Variants in BORA observed in about 807,000 individuals in gnomAD.
BORA encodes the protein protein aurora borealis.
Under a neutral mutation model 55.8 loss-of-function variants are expected in BORA, and 26 were observed. That is an observed-to-expected ratio of 0.47 (90% CI 0.34 to 0.65). The LOEUF (loss-of-function observed/expected upper bound fraction) is 0.65, where lower values mean the gene tolerates loss of function less well. Among genes scored for constraint, BORA ranks in the 30% least tolerant of loss-of-function variants. The pLI is 0.01. For synonymous variants in BORA, 201 were observed against 216.9 expected (o/e 0.93, Z 0.64); for missense variants, 568 against 671.5 (o/e 0.85, Z 1.70).
Position 72,755,849 on chromosome 13 carries a change from G to A in BORA, c.*633G>A, listed in dbSNP as rs2033450369. ...TCATCACGTGTATTGTTATCTATGG[G>A]GCAAATGTGTGGTGCCCAGAATAAA... On this transcript the variant is annotated 3_prime_UTR_variant, in exon 12 of 12. Transcript: ENST00000390667. 1 of 398,534 alleles carries A rather than the reference G, an allele frequency of 2.5e-6. No individual in the cohort carries two copies. Among genetic ancestry groups the A allele is most frequent in the Admixed American group, 4.4e-5 (1 of 22,718 alleles). 24.7% of individuals were successfully genotyped at this position (398,534 alleles called of 1,614,324 possible).
chr13:72,745,145 A>G lies in BORA; in HGVS notation c.676A>G (p.Met226Val). The change falls in exon 8 of 12, where the codon ATG (methionine) becomes GTG (valine). Residue 226 changes from methionine (M) to valine (V), a missense_variant. Transcript: ENST00000390667. ...CAGTGGTGTTCAAACATCACTAGAGATGTTTTATTCAATAGATTTGTCTCC... is the reference window on the plus strand; with the variant it reads ...CAGTGGTGTTCAAACATCACTAGAGGTGTTTTATTCAATAGATTTGTCTCC... ...PHSGVQTSLE[M>V]FYSIDLSPVK... 2 of 1,614,092 alleles carry G rather than the reference A, an allele frequency of 1.2e-6. No individual in the cohort carries two copies. The highest frequency in any genetic ancestry group is 1.7e-6 in the Non-Finnish European group (2 of 1,179,962).
intron 9 of BORA, 94 bp downstream of exon 9, chr13:72,746,170 C>A: frequency 8.7e-7 from 1 of 1,149,746 alleles, no homozygotes; most frequent in Non-Finnish European, 1.2e-6. Flanking sequence ...TGATAGAGCT[C>A]AAAATGATCA....
intron 3 of BORA, among the ~76,000 whole-genome samples, chr13:72,734,263 A>G (rs1445205247): frequency 6.6e-6 from 1 of 152,202 alleles, no homozygotes; most frequent in East Asian, 1.9e-4. Context: ...TTACCAATTT[A>G]CTGATGGAAG....
Position 72,746,780 on chromosome 13 carries a change from AC to A in BORA, c.1153del (p.Leu385TyrfsTer17). 1.2e-6 allele frequency: 2 copies of A among 1,614,136 alleles called. No individual in the cohort carries two copies. The highest frequency in any genetic ancestry group is 1.7e-6 in the Non-Finnish European group (2 of 1,179,990). The part of the protein sequence containing the change: ...SSPAMDAAGI[H>X]LRQFSNEAST... ...CCCGCCATGGATGCTGCTGGAATACACCTACGGCAGTTTAGTAATGAGGCTT... is the reference window on the plus strand; with the variant it reads ...CCCGCCATGGATGCTGCTGGAATACACTACGGCAGTTTAGTAATGAGGCTT... On this transcript the variant is annotated frameshift_variant, in exon 10 of 12. Transcript: ENST00000390667. LOFTEE classifies it high-confidence loss of function.
At chr13:72,755,126 C>G (rs769546380) in intron 11 of BORA, 25 bp from the exon 12 acceptor site, 2 of 1,607,248 alleles carry the variant, frequency 1.2e-6, no homozygotes, top group African/African-American at 1.3e-5. Flanking sequence ...AAACTGAAAA[C>G]AAGGTATTGT....
At chr13:72,751,017 G>C (rs2033261072) in intron 10 of BORA, among the ~76,000 whole-genome samples, 1 of 152,152 alleles carries the variant, frequency 6.6e-6, no homozygotes, top group Non-Finnish European at 1.5e-5. Flanking sequence ...TTATAGCCCA[G>C]CTCTGTTAGC....
chr13:72,740,070 C>T (rs573242447), intron 5 of BORA, among the ~76,000 whole-genome samples: 219 of 151,948 alleles, frequency 1.4e-3, no homozygotes, highest in African/African-American at 5.0e-3. Flanking sequence ...GAGGTGGTTA[C>T]CAGGAGGAAT....
At position 72,742,966 on chromosome 13, in the gene BORA, G is replaced by A. The variant is rs117827600; in HGVS notation, c.389-571G>A. ...TTATATGTAGAATCTAAAAAAGTCA[G>A]ACTCTTAGAAGTAGAGAATAGAGTG... On this transcript the variant is annotated intron_variant, in intron 5 of 11. Coordinates refer to ENST00000390667, the MANE Select transcript of BORA (RefSeq NM_024808.5). Among the ~76,000 whole-genome samples, 1,163 of 152,208 alleles carry A rather than the reference G, an allele frequency of 7.6e-3. 15 individuals are homozygous for A. The highest frequency in any genetic ancestry group is 0.014 in the Middle Eastern group (4 of 292).
chr13:72,753,822 G>T lies in BORA; in HGVS notation c.1614+1G>T, dbSNP rs745444058. On this transcript the variant is annotated splice_donor_variant, in intron 11 of 11. Coordinates refer to ENST00000390667, the MANE Select transcript of BORA (RefSeq NM_024808.5). LOFTEE classifies it high-confidence loss of function. The stretch of plus-strand genomic sequence containing the variant: ...TAAATCTCAAGCATTTAATATGAAG[G>T]TACGGAGAAAATATAGTGAAAGCTT... The T allele has an allele frequency of 1.4e-5, 22 of 1,610,596 alleles. No homozygotes were observed. The highest frequency in any genetic ancestry group is 1.8e-5 in the Non-Finnish European group (21 of 1,177,748).
intron 2 of BORA, 86 bp from the exon 3 acceptor site, chr13:72,731,195 C>T (rs1196930197): frequency 2.6e-6 from 2 of 759,470 alleles, no homozygotes; most frequent in Admixed American, 2.6e-5. Context: ...ATATTATAAC[C>T]ATTCATATTA....
At position 72,746,044 on chromosome 13, in the gene BORA, T is replaced by C. The variant is rs774543085; in HGVS notation, c.839T>C (p.Ile280Thr). ...ATTTCTTCACCCACTTTCTCACCAA[T>C]TGAATTTCAGATAGGAGAGACTCCA... Reference protein sequence around the residue: ...SPISSPTFSPIEFQIGETPLS... With the variant: ...SPISSPTFSPTEFQIGETPLS... The change falls in exon 9 of 12, where the codon ATT (isoleucine) becomes ACT (threonine). Residue 280 changes from isoleucine (I) to threonine (T), a missense_variant. Physicochemically the swap from Ile to Thr is moderately conservative, Grantham distance 89. Transcript: ENST00000390667. 6.2e-7 allele frequency: 1 copy of C among 1,612,286 alleles called. No individual in the cohort carries two copies. The highest frequency in any genetic ancestry group is 8.5e-7 in the Non-Finnish European group (1 of 1,178,476).
At chr13:72,735,640 G>A (rs1016456308) in intron 4 of BORA, among the ~76,000 whole-genome samples, 2 of 151,946 alleles carry the variant, frequency 1.3e-5, no homozygotes, top group African/African-American at 2.4e-5. Context: ...ACGGCGTTTC[G>A]TTCTTGTTGC....
intron 10 of BORA, among the ~76,000 whole-genome samples, chr13:72,749,928 G>A (rs924965576): frequency 7.9e-5 from 12 of 152,132 alleles, no homozygotes; most frequent in African/African-American, 2.9e-4. Context: ...TTTCCAATCA[G>A]ACCACTAATG....
At position 72,755,838 on chromosome 13, in the gene BORA, G is replaced by A. The variant is rs2033449279; in HGVS notation, c.*622G>A. The A allele has an allele frequency of 2.5e-6, 1 of 398,410 alleles. No homozygotes were observed. Among genetic ancestry groups the A allele is most frequent in the South Asian group, 1.3e-4 (1 of 7,854 alleles). The allele number at this position is 398,410 out of a possible 1,614,324, so 24.7% of individuals were successfully genotyped here. A position where few individuals can be genotyped will look rare whatever the true frequency, so the allele number is the denominator to read the frequency against. ...TACTAGTGACATCATCACGTGTATT[G>A]TTATCTATGGGGCAAATGTGTGGTG... On this transcript the variant is annotated 3_prime_UTR_variant, in exon 12 of 12. Coordinates refer to ENST00000390667, the MANE Select transcript of BORA (RefSeq NM_024808.5).
intron 10 of BORA, among the ~76,000 whole-genome samples, chr13:72,751,797 T>C (rs2033282340): frequency 6.6e-6 from 1 of 152,246 alleles, no homozygotes; most frequent in Admixed American, 6.5e-5. Flanking sequence ...ATTACCCCAA[T>C]TTGATCATTA....
intron 10 of BORA, among the ~76,000 whole-genome samples, chr13:72,748,728 T>TTCTC (rs58975643): frequency 7.3e-6 from 1 of 137,710 alleles, no homozygotes; most frequent in African/African-American, 2.5e-5. Flanking sequence ...TTTTTTCACT[T>TTCTC]TCTCTCTCTC....
At chr13:72,732,858 A>C (rs2032847838) in intron 3 of BORA, among the ~76,000 whole-genome samples, 1 of 152,186 alleles carries the variant, frequency 6.6e-6, no homozygotes, top group Admixed American at 6.5e-5. Context: ...TATATTGATC[A>C]GTCAAGAGAT....
chr13:72,728,878 C>A, intron 1 of BORA, 48 bp from the exon 2 acceptor site: 1 of 1,460,404 alleles, frequency 6.8e-7, no homozygotes, highest in Non-Finnish European at 9.1e-7. Context: ...AAATTAATAT[C>A]TATGGGACTT....
intron 5 of BORA, among the ~76,000 whole-genome samples, chr13:72,740,442 T>C (rs1227683127): frequency 6.6e-6 from 1 of 152,148 alleles, no homozygotes; most frequent in African/African-American, 2.4e-5. Context: ...CGTGTGACTA[T>C]TTAAATTTAA....
Sources: gnomAD v4.1 joint callset for allele counts (sites outside exome capture counted in the v4.1 genomes callset) on GRCh38, gnomAD v4.1.1 for gene constraint, MANE v1.5 for transcripts, NCBI Gene and HGNC (gene_info 2026-07-23, HGNC 2026-07-21) for gene names.